Variants in CNTNAP2 observed in about 807,000 individuals in gnomAD.
The protein encoded by CNTNAP2 is contactin associated protein 2, also known as contactin-associated protein-like 2.
Under a neutral mutation model 155.2 loss-of-function variants are expected in CNTNAP2, and 98 were observed. The observed-to-expected ratio is 0.63, with a 90% CI of 0.54 to 0.75. The LOEUF (loss-of-function observed/expected upper bound fraction) is 0.75, where lower values mean the gene tolerates loss of function less well. Ranked by LOEUF, CNTNAP2 falls within the 30% of genes least tolerant of loss-of-function variation. The pLI, the probability that CNTNAP2 is intolerant of heterozygous loss-of-function variation, is 0.00. For synonymous variants in CNTNAP2, 651 were observed against 631.2 expected (o/e 1.03, Z -0.47); for missense variants, 1,727 against 1,688.1 (o/e 1.02, Z -0.40).
At chr7:146,980,962 C>T (rs1460880432) in intron 3 of CNTNAP2, among the ~76,000 whole-genome samples, 1 of 152,134 alleles carries the variant, frequency 6.6e-6, no homozygotes, top group African/African-American at 2.4e-5. Flanking sequence ...TTTTCTACCC[C>T]TTAGCCTAGA....
chr7:147,634,761 C>T (rs73470978), intron 12 of CNTNAP2, among the ~76,000 whole-genome samples: 10,545 of 152,156 alleles, frequency 0.069, 1,019 homozygotes, highest in African/African-American at 0.19. Context: ...AAATAAGTTA[C>T]AGCATGCTAC....
At chr7:148,395,635 T>G (rs1799450754) in intron 22 of CNTNAP2, among the ~76,000 whole-genome samples, 2 of 152,124 alleles carry the variant, frequency 1.3e-5, no homozygotes, top group South Asian at 4.1e-4. Flanking sequence ...GTCACTTAAG[T>G]GGCTAAACAT....
chr7:147,122,652 A>T lies in CNTNAP2; in HGVS notation c.939+1489A>T, dbSNP rs377519415. On this transcript the variant is annotated intron_variant, in intron 6 of 23. Transcript: ENST00000361727. ...CAAATCCAAAATTCACAAAGACAGC[A>T]CATCATTAAAAGGAATGACACATTA... 1.1e-4 allele frequency: 17 copies of T among 152,326 alleles called. No homozygotes were observed. The East Asian group carries it at 2.5e-3, about 22-fold the overall frequency. 9.4% of individuals were successfully genotyped at this position (152,326 alleles called of 1,614,324 possible). A position where few individuals can be genotyped will look rare whatever the true frequency, so the allele number is the denominator to read the frequency against.
At chr7:147,248,712 A>C (rs1244422411) in intron 8 of CNTNAP2, among the ~76,000 whole-genome samples, 3 of 152,252 alleles carry the variant, frequency 2.0e-5, no homozygotes, top group Admixed American at 6.5e-5. Flanking sequence ...AATGATTATT[A>C]GGCCACTCCA....
chr7:146,740,339 T>G (rs765755338), intron 1 of CNTNAP2, among the ~76,000 whole-genome samples: 3 of 151,888 alleles, frequency 2.0e-5, no homozygotes, highest in African/African-American at 7.2e-5. Flanking sequence ...TTTTTTTACT[T>G]ATTATTATTA....
At chr7:147,251,813 G>A (rs1804205135) in intron 8 of CNTNAP2, among the ~76,000 whole-genome samples, 1 of 152,194 alleles carries the variant, frequency 6.6e-6, no homozygotes, top group Non-Finnish European at 1.5e-5. Flanking sequence ...GTGGCTTATT[G>A]CAGATACTTA....
At chr7:148,374,709 A>T (rs1730403) in intron 21 of CNTNAP2, among the ~76,000 whole-genome samples, 151,884 of 152,370 alleles carry the variant, frequency 1, 75,702 homozygotes, top group Middle Eastern at 1. Flanking sequence ...TGCTATCAAG[A>T]TAAAATGCAA....
intron 8 of CNTNAP2, among the ~76,000 whole-genome samples, chr7:147,217,566 G>A (rs1183908001): frequency 6.6e-6 from 1 of 151,824 alleles, no homozygotes; most frequent in Non-Finnish European, 1.5e-5. Context: ...ATATTTTGTT[G>A]AGGATATTTG....
chr7:147,206,670 A>G (rs958745705), intron 8 of CNTNAP2, among the ~76,000 whole-genome samples: 4 of 152,186 alleles, frequency 2.6e-5, no homozygotes, highest in African/African-American at 4.8e-5. Context: ...ATAAAGTATC[A>G]CACATTTTCT....
chr7:146,622,618 C>T (rs73470641), intron 1 of CNTNAP2, among the ~76,000 whole-genome samples: 5,142 of 152,102 alleles, frequency 0.034, 292 homozygotes, highest in African/African-American at 0.12. Flanking sequence ...ATCATTCTAA[C>T]CTTCTCCCCT....
chr7:148,201,669 C>T (rs938531038), intron 18 of CNTNAP2, among the ~76,000 whole-genome samples: 1 of 152,088 alleles, frequency 6.6e-6, no homozygotes, highest in African/African-American at 2.4e-5. Context: ...TGTGCCCCGT[C>T]CTTTGGGTCT....
intron 9 of CNTNAP2, among the ~76,000 whole-genome samples, chr7:147,327,046 C>A (rs1795473978): frequency 6.6e-6 from 1 of 152,164 alleles, no homozygotes; most frequent in Admixed American, 6.5e-5. Flanking sequence ...GAAAGTATTG[C>A]TAATTTTTCT....
intron 13 of CNTNAP2, among the ~76,000 whole-genome samples, chr7:147,702,568 T>C (rs943310313): frequency 2.0e-5 from 3 of 152,082 alleles, no homozygotes; most frequent in Admixed American, 6.6e-5. Context: ...TTCTGTAACC[T>C]CTGCTTCCTT....
intron 19 of CNTNAP2, among the ~76,000 whole-genome samples, chr7:148,217,899 C>A (rs543053171): frequency 6.6e-6 from 1 of 152,174 alleles, no homozygotes; most frequent in East Asian, 1.9e-4. Context: ...CCAAGGTGGG[C>A]GGATCACTTG....
At chr7:146,817,022 G>A (rs543113065) in intron 2 of CNTNAP2, among the ~76,000 whole-genome samples, 1 of 152,100 alleles carries the variant, frequency 6.6e-6, no homozygotes, top group Non-Finnish European at 1.5e-5. Context: ...GAGGGGAAAG[G>A]CAGGATGAAA....
chr7:147,717,317 T>C (rs1018366289), intron 13 of CNTNAP2, among the ~76,000 whole-genome samples: 4 of 152,120 alleles, frequency 2.6e-5, no homozygotes, highest in Non-Finnish European at 4.4e-5. Flanking sequence ...CGCAGCATTG[T>C]AAGACTTAAC....
intron 1 of CNTNAP2, among the ~76,000 whole-genome samples, chr7:146,360,566 A>G (rs1197032725): frequency 6.6e-6 from 1 of 152,184 alleles, no homozygotes; most frequent in African/African-American, 2.4e-5. Flanking sequence ...ATTTATGTGG[A>G]TGTTACCATA....
At chr7:147,077,875 G>A (rs1424524560) in intron 4 of CNTNAP2, among the ~76,000 whole-genome samples, 2 of 152,102 alleles carry the variant, frequency 1.3e-5, no homozygotes, top group Non-Finnish European at 2.9e-5. Flanking sequence ...AATTAAAATA[G>A]GCTTCAAGAT....
Position 147,654,745 on chromosome 7 carries a change from G to GT in CNTNAP2, c.2098+15442dup, listed in dbSNP as rs1795499173. Among the ~76,000 whole-genome samples, 6 of 147,118 alleles carry GT rather than the reference G, an allele frequency of 4.1e-5. No homozygotes were observed. The South Asian group carries it at 1.3e-3, about 33-fold the overall frequency. The stretch of plus-strand genomic sequence containing the variant: ...TCCTTACCAGGAGGTTTTCAATGTA[G>GT]TTTACTCAGATCCATCAAAGAAATC... On this transcript the variant is annotated intron_variant, in intron 13 of 23. Transcript: ENST00000361727.
Sources: gnomAD v4.1 joint callset for allele counts (sites outside exome capture counted in the v4.1 genomes callset) on GRCh38, gnomAD v4.1.1 for gene constraint, MANE v1.5 for transcripts, NCBI Gene and HGNC (gene_info 2026-07-23, HGNC 2026-07-21) for gene names.